CARHSP1: variants seen among roughly 807,000 people sequenced by gnomAD.
The protein encoded by CARHSP1 is calcium-regulated heat-stable protein 1.
In CARHSP1, 14 loss-of-function variants were observed where a neutral mutation model predicts 12.5. The ratio of observed to expected loss-of-function variants is 1.12; its 90% CI spans 0.74 to 1.75. CARHSP1 has a LOEUF of 1.75. Among genes scored for constraint, CARHSP1 ranks in the 40% most tolerant of loss-of-function variants. CARHSP1 has a pLI of 0.00. For synonymous variants in CARHSP1, 161 were observed against 82.0 expected, an observed-to-expected ratio of 1.96 and a Z score of -5.20; for missense variants, 343 against 201.6, an observed-to-expected ratio of 1.70 and a Z score of -4.25.
chr16:8,866,034 G>A (rs1240179083), intron 1 of CARHSP1, among the ~76,000 whole-genome samples: 8 of 152,208 alleles, frequency 5.3e-5, no homozygotes, highest in East Asian at 3.9e-4. Flanking sequence ...GCTCACTGCA[G>A]CCTCAACCTC....
At chr16:8,858,706 G>A (rs1345725766) in intron 2 of CARHSP1, 2 of 532,912 alleles carry the variant, frequency 3.8e-6, no homozygotes, top group Non-Finnish European at 6.6e-6. Flanking sequence ...TTTCCCTCCT[G>A]GAAAGAGGGA....
At position 8,855,200 on chromosome 16, in the gene CARHSP1, C is replaced by A. The variant is rs369895461; in HGVS notation, c.408G>T (p.Lys136Asn). The A allele has an allele frequency of 1.9e-6, 3 of 1,612,298 alleles. 1 individual carries two copies. The highest frequency in any genetic ancestry group is 2.2e-5 in the South Asian group (2 of 90,848). ...TGACATGTCCAGACCAGGTCTCATG[C>A]TTGGTGCCTGGTGCCAGGTGAGTGA... is the stretch of plus-strand genomic sequence containing the variant. ...VVITHLAPGT[K>N]HETWSGHVIS... The change falls in exon 4 of 4, where the codon AAG (lysine) becomes AAT (asparagine). Residue 136 changes from lysine to asparagine, a missense_variant. By Grantham distance (94) the Lys-to-Asn change is moderately conservative (BLOSUM62 0). Coordinates refer to ENST00000311052, the MANE Select transcript of CARHSP1 (RefSeq NM_014316.4).
At chr16:8,855,502 C>T (rs986452074) in intron 3 of CARHSP1, among the ~76,000 whole-genome samples, 176 bp from the exon 4 acceptor site, 1 of 152,194 alleles carries the variant, frequency 6.6e-6, no homozygotes, top group Non-Finnish European at 1.5e-5. Context: ...ACACTGCCCC[C>T]AGCCTCTGTC....
intron 1 of CARHSP1, chr16:8,859,704 G>A (rs75436356): frequency 0.047 from 7,894 of 168,538 alleles, 280 homozygotes; most frequent in Middle Eastern, 0.12. Context: ...GGGGCCGGGC[G>A]CAGTGGCTCA....
At chr16:8,862,498 T>C (rs993305653) in intron 1 of CARHSP1, among the ~76,000 whole-genome samples, 7 of 151,886 alleles carry the variant, frequency 4.6e-5, no homozygotes, top group Admixed American at 6.6e-5. Flanking sequence ...AATAAACAGT[T>C]AAATAAACAT....
rs2061044664 is a variant in CARHSP1, at chr16:8,854,824, C to CAA, written c.*339_*340insTT. Reference sequence around the variant, plus strand: ...GAAGAGGGATTCTGTGGGTTGAGCCCATGTGTCTGAGCAGCTGGAGAAATA... The same window carrying CAA: ...GAAGAGGGATTCTGTGGGTTGAGCCCAAATGTGTCTGAGCAGCTGGAGAAATA... On this transcript the variant is annotated 3_prime_UTR_variant, in exon 4 of 4. Coordinates refer to ENST00000311052, the MANE Select transcript of CARHSP1 (RefSeq NM_014316.4). 4 of 188,564 alleles carry CAA rather than the reference C, an allele frequency of 2.1e-5. No individual in the cohort carries two copies. The Admixed American group carries it at 2.5e-4, about 12-fold the overall frequency. The allele number at this position is 188,564 out of a possible 1,614,324, so 11.7% of individuals were successfully genotyped here.
Position 8,855,026 on chromosome 16 carries a change from T to C in CARHSP1, c.*138A>G, listed in dbSNP as rs970067487. 4.4e-5 allele frequency: 27 copies of C among 616,818 alleles called. 1 individual carries two copies. The highest frequency in any genetic ancestry group is 6.5e-5 in the Non-Finnish European group (26 of 400,700). 38.2% of individuals were successfully genotyped at this position (616,818 alleles called of 1,614,324 possible). On this transcript the variant is annotated 3_prime_UTR_variant, in exon 4 of 4. Coordinates refer to ENST00000311052, the MANE Select transcript of CARHSP1 (RefSeq NM_014316.4). ...CCCCACACCTGCCCCCCATACCCCTTCCTCCAGGAGATACTTGAGAGGGAC... is the reference window on the plus strand; with the variant it reads ...CCCCACACCTGCCCCCCATACCCCTCCCTCCAGGAGATACTTGAGAGGGAC...
intron 3 of CARHSP1, chr16:8,857,340 T>G (rs1203132803): frequency 1.5e-5 from 2 of 137,574 alleles, no homozygotes; most frequent in African/African-American, 5.3e-5. Context: ...TGCAGTGCAA[T>G]GGCGCGATCT....
intron 1 of CARHSP1, among the ~76,000 whole-genome samples, chr16:8,864,656 A>G (rs961821276): frequency 6.6e-6 from 1 of 152,222 alleles, no homozygotes; most frequent in Non-Finnish European, 1.5e-5. Context: ...GGAGGTGCCC[A>G]GCTGGCCATG....
In CARHSP1 at chr16:8,858,370, G is replaced by A; in HGVS notation, c.261C>T (p.Asp87=). Residue 87 remains aspartate (D), a synonymous_variant, in exon 3 of 4, where the codon GAC becomes GAT. Coordinates refer to ENST00000311052, the MANE Select transcript of CARHSP1 (RefSeq NM_014316.4). ...GFITPADGGP[D]IFLHISDVEG... is the part of the protein sequence containing the mutation. ...CTCACTCAGAGATGTGCAGGAAGAT[G>A]TCGGGGCCGCCATCAGCTGGAGTAA... 1.9e-6 allele frequency: 3 copies of A among 1,613,926 alleles called. No individual in the cohort carries two copies. The highest frequency in any genetic ancestry group is 2.5e-6 in the Non-Finnish European group (3 of 1,180,016).
At chr16:8,861,565 A>C in intron 1 of CARHSP1, 1 of 1,248,600 alleles carries the variant, frequency 8.0e-7, no homozygotes, top group Non-Finnish European at 1.1e-6. Context: ...GAAATGTCAG[A>C]ACCCCTCCCC....
chr16:8,863,112 CTT>C lies in CARHSP1; in HGVS notation c.-7-3779_-7-3778del, dbSNP rs71155412. Reference sequence around the variant, plus strand: ...GGTCCAGGAATGGCCACAAGGATGGCTTTTTTTTTTTTTTTTTTTTTTTTTCA... The same window carrying C: ...GGTCCAGGAATGGCCACAAGGATGGCTTTTTTTTTTTTTTTTTTTTTTTCA... On this transcript the variant is annotated intron_variant, in intron 1 of 3. Transcript: ENST00000311052. Among the ~76,000 whole-genome samples, 396 of 74,096 alleles carry C rather than the reference CTT, an allele frequency of 5.3e-3. 1 individual carries two copies. Among genetic ancestry groups the C allele is most frequent in the African/African-American group, 7.9e-3 (136 of 17,160 alleles). The allele number at this position is 74,096 out of a possible 152,430, so 48.6% of individuals were successfully genotyped here.
In CARHSP1 at chr16:8,858,484, G is replaced by A. The variant is rs932025353; in HGVS notation, c.159-12C>T. Reference sequence around the variant, plus strand: ...AAGCCCGCACCGTCCTGACAGAGAGGGGGAAATGTCAGGGGCCCCATCAGC... The same window carrying A: ...AAGCCCGCACCGTCCTGACAGAGAGAGGGAAATGTCAGGGGCCCCATCAGC... On this transcript the variant is annotated splice_polypyrimidine_tract_variant and intron_variant, in intron 2 of 3. Coordinates refer to ENST00000311052, the MANE Select transcript of CARHSP1 (RefSeq NM_014316.4). 2.5e-6 allele frequency: 4 copies of A among 1,612,704 alleles called. No individual in the cohort carries two copies. Among genetic ancestry groups the A allele is most frequent in the Middle Eastern group, 1.7e-4 (1 of 6,006 alleles).
At chr16:8,866,458 G>A (rs1384565527) in intron 1 of CARHSP1, 2 of 984,736 alleles carry the variant, frequency 2.0e-6, no homozygotes, top group African/African-American at 1.7e-5. Context: ...TAAACAGACA[G>A]AGACACTGAG....
Position 8,855,211 on chromosome 16 carries a change from G to A in CARHSP1, c.397C>T (p.Pro133Ser), listed in dbSNP as rs769814703. 1.3e-5 allele frequency: 21 copies of A among 1,612,586 alleles called. No individual in the cohort carries two copies. The highest frequency in any genetic ancestry group is 1.7e-5 in the Non-Finnish European group (20 of 1,179,152). ...AVEVVITHLA[P>S]GTKHETWSGH... ...GACCAGGTCTCATGCTTGGTGCCTGGTGCCAGGTGAGTGATGACGACCTCC... is the reference window on the plus strand; with the variant it reads ...GACCAGGTCTCATGCTTGGTGCCTGATGCCAGGTGAGTGATGACGACCTCC... The change falls in exon 4 of 4, where the codon CCA becomes TCA. Residue 133 changes from proline to serine, a missense_variant. Pro to Ser is a moderately conservative substitution (Grantham distance 74, BLOSUM62 -1). Coordinates refer to ENST00000311052, the MANE Select transcript of CARHSP1 (RefSeq NM_014316.4).
chr16:8,861,891 G>C, intron 1 of CARHSP1: 1 of 1,013,034 alleles, frequency 9.9e-7, no homozygotes, highest in Non-Finnish European at 1.3e-6. Flanking sequence ...CAGCAGATGG[G>C]AGCAGTGGCC....
chr16:8,859,426 T>A, intron 1 of CARHSP1, 91 bp from the exon 2 acceptor site: 3 of 1,173,002 alleles, frequency 2.6e-6, no homozygotes, highest in Non-Finnish European at 3.6e-6. Context: ...GTCCAGTATC[T>A]GAGGCTCATT....
chr16:8,863,646 C>A (rs1255990928), intron 1 of CARHSP1, among the ~76,000 whole-genome samples: 1 of 152,134 alleles, frequency 6.6e-6, no homozygotes, highest in Non-Finnish European at 1.5e-5. Context: ...TGAAGCCAAG[C>A]TGGGGTGGCC....
intron 1 of CARHSP1, chr16:8,861,712 T>A (rs1013619303): frequency 3.1e-6 from 4 of 1,288,384 alleles, no homozygotes; most frequent in Non-Finnish European, 4.0e-6. Flanking sequence ...GAGGAACTCC[T>A]GAGTCCGGGG....
Sources: gnomAD v4.1 joint callset for allele counts (sites outside exome capture counted in the v4.1 genomes callset) on GRCh38, gnomAD v4.1.1 for gene constraint, MANE v1.5 for transcripts, NCBI Gene and HGNC (gene_info 2026-07-23, HGNC 2026-07-21) for gene names.